Variants in MCF2L2 observed in about 807,000 individuals in gnomAD.
MCF2L2 encodes the protein MCF.2 cell line derived transforming sequence-like 2, also known as probable guanine nucleotide exchange factor MCF2L2.
In MCF2L2, 102 loss-of-function variants were observed where a neutral mutation model predicts 150.2. The ratio of observed to expected loss-of-function variants is 0.68; its 90% CI spans 0.58 to 0.80. The LOEUF (loss-of-function observed/expected upper bound fraction) is 0.80, where lower values mean the gene tolerates loss of function less well. Among genes scored for constraint, MCF2L2 ranks in the 30% least tolerant of loss-of-function variants. The pLI, the probability that MCF2L2 is intolerant of heterozygous loss-of-function variation, is 0.00. For synonymous variants in MCF2L2, 465 were observed against 491.3 expected (o/e 0.95, Z 0.71); for missense variants, 1,256 against 1,372.8 (o/e 0.91, Z 1.34).
At chr3:183,295,133 T>A (rs562800978) in intron 13 of MCF2L2, among the ~76,000 whole-genome samples, 167 bp downstream of exon 13, 3 of 152,372 alleles carry the variant, frequency 2.0e-5, no homozygotes, top group South Asian at 2.1e-4. Context: ...CTTGGTGTTA[T>A]CTAAGTGTTT....
chr3:183,311,627 G>A, intron 8 of MCF2L2, 21 bp downstream of exon 8: 1 of 1,613,368 alleles, frequency 6.2e-7, no homozygotes, highest in South Asian at 1.1e-5. Context: ...TGAAAAGGCT[G>A]ATTCCACTTC....
intron 22 of MCF2L2, among the ~76,000 whole-genome samples, chr3:183,209,422 C>T (rs1020268907): frequency 2.6e-4 from 40 of 152,326 alleles, no homozygotes; most frequent in African/African-American, 8.4e-4. Flanking sequence ...AAATTCCATA[C>T]CTGACCACAT....
At chr3:183,410,397 C>A (rs1715262865) in intron 1 of MCF2L2, among the ~76,000 whole-genome samples, 1 of 152,236 alleles carries the variant, frequency 6.6e-6, no homozygotes, top group South Asian at 2.1e-4. Context: ...TCTCCAAACC[C>A]CTCAGATCAT....
chr3:183,292,796 T>C (rs114806877), intron 13 of MCF2L2, among the ~76,000 whole-genome samples: 3,044 of 152,222 alleles, frequency 0.02, 60 homozygotes, highest in East Asian at 0.051. Flanking sequence ...ATGAAACTAA[T>C]TCAATAGATC....
chr3:183,291,134 C>T (rs1728118720), intron 13 of MCF2L2, among the ~76,000 whole-genome samples: 1 of 152,158 alleles, frequency 6.6e-6, no homozygotes. Context: ...TGTGGGATCT[C>T]TATAAAGTGA....
chr3:183,279,072 C>A (rs993075146), intron 14 of MCF2L2, among the ~76,000 whole-genome samples: 53 of 151,992 alleles, frequency 3.5e-4, no homozygotes, highest in African/African-American at 1.1e-3. Flanking sequence ...CACAGTATAC[C>A]ATGTTTTATT....
chr3:183,425,511 G>A (rs1004654981), intron 1 of MCF2L2, among the ~76,000 whole-genome samples: 2 of 152,174 alleles, frequency 1.3e-5, no homozygotes, highest in Admixed American at 6.5e-5. Context: ...GGCAAGCATA[G>A]AGCCAATCTA....
At chr3:183,205,785 A>C in intron 25 of MCF2L2, 91 bp downstream of exon 25, 2 of 956,808 alleles carry the variant, frequency 2.1e-6, no homozygotes, top group South Asian at 3.0e-5. Context: ...CCAGCAAACC[A>C]TTTTCTTTCA....
At chr3:183,272,014 A>AGTT in intron 15 of MCF2L2, 1 of 429,278 alleles carries the variant, frequency 2.3e-6, no homozygotes, top group Non-Finnish European at 3.2e-6. Context: ...TAAACATCAA[A>AGTT]GTTATAATAT....
chr3:183,243,948 C>T (rs572392368), intron 15 of MCF2L2, among the ~76,000 whole-genome samples: 10 of 152,070 alleles, frequency 6.6e-5, no homozygotes. Flanking sequence ...CACAGTGAAA[C>T]CCCATCTCTG....
At chr3:183,196,592 TC>T (rs930208685) in intron 25 of MCF2L2, among the ~76,000 whole-genome samples, 3 of 152,092 alleles carry the variant, frequency 2.0e-5, no homozygotes, top group African/African-American at 7.2e-5. Flanking sequence ...TCACTCACCA[TC>T]CACTGTGGGC....
intron 1 of MCF2L2, among the ~76,000 whole-genome samples, chr3:183,392,476 G>C (rs1028988379): frequency 1.3e-5 from 2 of 152,192 alleles, no homozygotes; most frequent in Non-Finnish European, 2.9e-5. Flanking sequence ...CTAGCCTCCT[G>C]TGGCTATCAA....
At chr3:183,404,659 G>A (rs1021681963) in intron 1 of MCF2L2, among the ~76,000 whole-genome samples, 3 of 152,092 alleles carry the variant, frequency 2.0e-5, no homozygotes, top group South Asian at 2.1e-4. Flanking sequence ...TCAGGTGTTC[G>A]AGACCAGCCT....
chr3:183,397,478 A>G (rs1304064252), intron 1 of MCF2L2, among the ~76,000 whole-genome samples: 1 of 152,080 alleles, frequency 6.6e-6, no homozygotes, highest in Non-Finnish European at 1.5e-5. Context: ...TGACCTGTCC[A>G]CCTCACAGAG....
At chr3:183,289,968 C>T (rs944863154) in intron 13 of MCF2L2, among the ~76,000 whole-genome samples, 2 of 152,206 alleles carry the variant, frequency 1.3e-5, no homozygotes, top group Non-Finnish European at 2.9e-5. Flanking sequence ...ATCATGTGTA[C>T]AGCATAATGT....
chr3:183,241,640 CT>C (rs1233960368), intron 15 of MCF2L2, among the ~76,000 whole-genome samples: 1 of 152,220 alleles, frequency 6.6e-6, no homozygotes, highest in Non-Finnish European at 1.5e-5. Context: ...CATTAAACCT[CT>C]TTCCTTTATA....
intron 27 of MCF2L2, among the ~76,000 whole-genome samples, chr3:183,185,015 CAAGT>C (rs770995729): frequency 2.6e-5 from 4 of 152,032 alleles, no homozygotes; most frequent in Admixed American, 6.6e-5. Context: ...CTCCCGGGTT[CAAGT>C]GATTCTCCTG....
At chr3:183,307,370 G>A (rs532898391) in intron 10 of MCF2L2, among the ~76,000 whole-genome samples, 2 of 152,336 alleles carry the variant, frequency 1.3e-5, no homozygotes, top group African/African-American at 2.4e-5. Context: ...TATTGAAAAC[G>A]ATCTCAGTTA....
rs1300970493 is a variant in MCF2L2, at chr3:183,428,285, G to A, written c.-308C>T. The A allele has an allele frequency of 3.0e-6, 1 of 334,386 alleles. No homozygotes were observed. Among genetic ancestry groups the A allele is most frequent in the African/African-American group, 2.2e-5 (1 of 45,056 alleles). The allele number at this position is 334,386 out of a possible 1,614,324, so 20.7% of individuals were successfully genotyped here. A position where few individuals can be genotyped will look rare whatever the true frequency, so the allele number is the denominator to read the frequency against. On this transcript the variant is annotated 5_prime_UTR_variant, in exon 1 of 30. Transcript: ENST00000328913. The surrounding 1 kb of genome is among the most constrained non-coding windows in gnomAD (Gnocchi z 5.1). ...CCGGAACCGCGCCCCGGCTCCTCCGGCCGGGCGAGCTCCGGGGCTTCCAGA... is the reference window on the plus strand; with the variant it reads ...CCGGAACCGCGCCCCGGCTCCTCCGACCGGGCGAGCTCCGGGGCTTCCAGA...
Sources: gnomAD v4.1 joint callset for allele counts (sites outside exome capture counted in the v4.1 genomes callset) on GRCh38, gnomAD v4.1.1 for gene constraint, Gnocchi (gnomAD v3.1) non-coding constraint, MANE v1.5 for transcripts, NCBI Gene and HGNC (gene_info 2026-07-23, HGNC 2026-07-21) for gene names.